PDE4B: variants seen among roughly 807,000 people sequenced by gnomAD.
PDE4B encodes the protein 3',5'-cyclic-AMP phosphodiesterase 4B.
Under a neutral mutation model 82.2 loss-of-function variants are expected in PDE4B, and 20 were observed. The ratio of observed to expected loss-of-function variants is 0.24; its 90% CI spans 0.17 to 0.35. The LOEUF is 0.35. PDE4B is among the 10% of genes least tolerant of loss of function. PDE4B has a pLI of 1.00. For missense variants in PDE4B, 655 were observed against 907.2 expected, an observed-to-expected ratio of 0.72 and a Z score of 3.57; for synonymous variants, 320 against 318.9, an observed-to-expected ratio of 1.00 and a Z score of -0.04.
chr1:65,895,667 A>T (rs933602020), intron 1 of PDE4B, among the ~76,000 whole-genome samples: 1 of 151,732 alleles, frequency 6.6e-6, no homozygotes. Flanking sequence ...GTCAAATAGT[A>T]AAAATATACT....
At chr1:66,043,416 C>T (rs1332746696) in intron 3 of PDE4B, among the ~76,000 whole-genome samples, 1 of 151,716 alleles carries the variant, frequency 6.6e-6, no homozygotes, top group Admixed American at 6.6e-5. Context: ...CAGAAGTCCT[C>T]TTTTAAAGCA....
At chr1:66,110,159 AT>A (rs5774799) in intron 3 of PDE4B, among the ~76,000 whole-genome samples, 2,956 of 152,090 alleles carry the variant, frequency 0.019, 86 homozygotes, top group African/African-American at 0.068. Flanking sequence ...GAGGAACCTG[AT>A]TTTAAAATTA....
At chr1:66,190,492 C>G (rs924846241) in intron 3 of PDE4B, among the ~76,000 whole-genome samples, 21 of 152,222 alleles carry the variant, frequency 1.4e-4, no homozygotes, top group African/African-American at 4.3e-4. Flanking sequence ...CCAGTTCATT[C>G]TTCCCAGCCA....
intron 10 of PDE4B, 149 bp from the exon 11 acceptor site, chr1:66,363,019 T>C (rs1662922736): frequency 3.5e-6 from 2 of 577,556 alleles, no homozygotes; most frequent in Admixed American, 6.0e-5. Context: ...TCCTAGGTCA[T>C]TTAACTTTCA....
At chr1:66,105,292 G>C (rs1246597260) in intron 3 of PDE4B, among the ~76,000 whole-genome samples, 6 of 150,804 alleles carry the variant, frequency 4.0e-5, no homozygotes, top group East Asian at 1.9e-4. Context: ...CTATTCCATT[G>C]ATCTATATCT....
chr1:66,346,370 A>G (rs575706428), intron 8 of PDE4B, among the ~76,000 whole-genome samples: 3 of 152,352 alleles, frequency 2.0e-5, no homozygotes, highest in Non-Finnish European at 4.4e-5. Flanking sequence ...AAAGTGTCTT[A>G]ATTTGAGAAA....
At chr1:66,091,521 G>T (rs1398345500) in intron 3 of PDE4B, among the ~76,000 whole-genome samples, 2 of 152,048 alleles carry the variant, frequency 1.3e-5, no homozygotes, top group Non-Finnish European at 2.9e-5. Flanking sequence ...TTCTTTCATT[G>T]TTTTTGTTAT....
chr1:66,058,424 C>T (rs184001924), intron 3 of PDE4B, among the ~76,000 whole-genome samples: 1 of 152,352 alleles, frequency 6.6e-6, no homozygotes, highest in East Asian at 1.9e-4. Context: ...GGCAGTGCCC[C>T]AGTAGGGACT....
chr1:66,123,815 T>A (rs983343361), intron 3 of PDE4B, among the ~76,000 whole-genome samples: 1 of 152,174 alleles, frequency 6.6e-6, no homozygotes, highest in Non-Finnish European at 1.5e-5. Flanking sequence ...GATCATTAAA[T>A]CCCTTAGCCT....
chr1:65,800,602 C>A (rs1570947667), intron 1 of PDE4B, among the ~76,000 whole-genome samples: 1 of 152,264 alleles, frequency 6.6e-6, no homozygotes, highest in East Asian at 1.9e-4. Context: ...TTCTTTCCAG[C>A]ATTATCATTT....
chr1:65,881,166 A>C (rs1646704070), intron 1 of PDE4B, among the ~76,000 whole-genome samples: 1 of 152,116 alleles, frequency 6.6e-6, no homozygotes, highest in Admixed American at 6.5e-5. Context: ...CTTTGAGTGC[A>C]TTCTTTGTTT....
At chr1:66,066,478 A>T (rs1655854205) in intron 3 of PDE4B, among the ~76,000 whole-genome samples, 1 of 151,860 alleles carries the variant, frequency 6.6e-6, no homozygotes, top group African/African-American at 2.4e-5. Context: ...CACAAAGCTG[A>T]TTTCGCCTTT....
At chr1:65,887,251 C>CTTTCTTT (rs1646795163) in intron 1 of PDE4B, among the ~76,000 whole-genome samples, 1 of 27,928 alleles carries the variant, frequency 3.6e-5, no homozygotes, top group African/African-American at 1.5e-4. Flanking sequence ...TCTTTCTTTT[C>CTTTCTTT]TTTCTTTCTT....
chr1:66,019,360 T>TTC (rs1652962061), intron 3 of PDE4B, among the ~76,000 whole-genome samples: 1 of 146,378 alleles, frequency 6.8e-6, no homozygotes, highest in Non-Finnish European at 1.5e-5. Flanking sequence ...GTTATTCTTT[T>TTC]TTTTTTTTTT....
At chr1:65,907,915 G>A (rs941591072) in intron 1 of PDE4B, among the ~76,000 whole-genome samples, 5 of 152,100 alleles carry the variant, frequency 3.3e-5, no homozygotes, top group Non-Finnish European at 5.9e-5. Context: ...ACTATTTCAC[G>A]TTCTGTAAGG....
chr1:66,099,043 C>T (rs1305983204), intron 3 of PDE4B, among the ~76,000 whole-genome samples: 3 of 152,002 alleles, frequency 2.0e-5, no homozygotes, highest in African/African-American at 4.8e-5. Flanking sequence ...ATTTTAAGTT[C>T]TGGGATACAT....
chr1:66,194,326 G>T (rs541100945), intron 3 of PDE4B, among the ~76,000 whole-genome samples: 1 of 152,048 alleles, frequency 6.6e-6, no homozygotes, highest in Non-Finnish European at 1.5e-5. Context: ...TATTATACTC[G>T]ATGAATTGCT....
intron 3 of PDE4B, among the ~76,000 whole-genome samples, chr1:65,951,555 G>C (rs1208042021): frequency 6.6e-6 from 1 of 152,094 alleles, no homozygotes; most frequent in Non-Finnish European, 1.5e-5. Flanking sequence ...ATTTAAGGCA[G>C]TTTATGATGA....
At chr1:66,138,041 T>C (rs1386120009) in intron 3 of PDE4B, among the ~76,000 whole-genome samples, 1 of 152,210 alleles carries the variant, frequency 6.6e-6, no homozygotes, top group Non-Finnish European at 1.5e-5. Flanking sequence ...TGATGTTAGC[T>C]GACTTAAACA....
Sources: allele counts gnomAD v4.1 joint callset (sites outside exome capture counted in the v4.1 genomes callset), GRCh38; gene constraint gnomAD v4.1.1; transcripts MANE v1.5; gene names NCBI Gene and HGNC (gene_info 2026-07-23, HGNC 2026-07-21).